NEGR1: variants seen among roughly 807,000 people sequenced by gnomAD.
NEGR1 encodes IgLON family member 4.
NEGR1 carries 10 observed loss-of-function variants against 40.9 expected under a neutral mutation model. The observed-to-expected ratio is 0.24, with a 90% CI of 0.15 to 0.42. The LOEUF (loss-of-function observed/expected upper bound fraction) is 0.42, where lower values mean the gene tolerates loss of function less well. Ranked by LOEUF, NEGR1 falls within the 10% of genes least tolerant of loss-of-function variation. The pLI is 1.00. For missense variants in NEGR1, 352 were observed against 438.9 expected, an observed-to-expected ratio of 0.80 and a Z score of 1.77; for synonymous variants, 185 against 166.8, an observed-to-expected ratio of 1.11 and a Z score of -0.84.
intron 3 of NEGR1, among the ~76,000 whole-genome samples, chr1:71,722,810 G>A (rs1337173624): frequency 6.6e-6 from 1 of 151,680 alleles, no homozygotes; most frequent in Non-Finnish European, 1.5e-5. Context: ...TTTACCATAG[G>A]AATACACCCA....
At chr1:71,922,312 C>T (rs752715182) in intron 2 of NEGR1, among the ~76,000 whole-genome samples, 6 of 152,124 alleles carry the variant, frequency 3.9e-5, no homozygotes, top group Non-Finnish European at 7.4e-5. Context: ...ATTGAGTGAA[C>T]CCTGCCAGAA....
At chr1:71,981,870 T>G (rs1253245187) in intron 1 of NEGR1, among the ~76,000 whole-genome samples, 1 of 152,206 alleles carries the variant, frequency 6.6e-6, no homozygotes, top group South Asian at 2.1e-4. Flanking sequence ...ATTCATGATA[T>G]GAACTATTAA....
At chr1:71,436,324 A>T (rs993552996) in intron 6 of NEGR1, among the ~76,000 whole-genome samples, 7 of 152,200 alleles carry the variant, frequency 4.6e-5, no homozygotes, top group African/African-American at 1.7e-4. Context: ...AATTAGCAGA[A>T]GATGACTTGA....
At chr1:71,434,899 G>A (rs1227167387) in intron 6 of NEGR1, among the ~76,000 whole-genome samples, 3 of 152,140 alleles carry the variant, frequency 2.0e-5, no homozygotes, top group Non-Finnish European at 4.4e-5. Context: ...AGACCATCCT[G>A]GCTAAAACGG....
intron 3 of NEGR1, among the ~76,000 whole-genome samples, chr1:71,748,223 G>A (rs943708589): frequency 6.6e-6 from 1 of 151,972 alleles, no homozygotes; most frequent in Non-Finnish European, 1.5e-5. Flanking sequence ...CTACTTTACC[G>A]TACATACTGG....
chr1:71,851,460 C>T, intron 2 of NEGR1, among the ~76,000 whole-genome samples: 1 of 152,124 alleles, frequency 6.6e-6, no homozygotes. Flanking sequence ...TACAGTTATG[C>T]ATAGCACAAT....
chr1:71,895,276 C>T (rs1172782168), intron 2 of NEGR1, among the ~76,000 whole-genome samples: 1 of 152,112 alleles, frequency 6.6e-6, no homozygotes, highest in Non-Finnish European at 1.5e-5. Context: ...TCATTTCATT[C>T]TCATAACCAT....
intron 1 of NEGR1, among the ~76,000 whole-genome samples, chr1:72,121,610 C>T (rs564297489): frequency 6.6e-5 from 10 of 151,922 alleles, no homozygotes; most frequent in African/African-American, 1.9e-4. Context: ...CTCCTTGTTA[C>T]AGAAAAACTG....
rs1350479914 is a variant in NEGR1, at chr1:71,739,952, A to C, written c.535+36220T>G. 2.6e-5 allele frequency among the ~76,000 whole-genome samples: 4 copies of C among 152,174 alleles called. No individual in the cohort carries two copies. In the East Asian group the frequency reaches 5.8e-4, roughly 22 times the overall value. On this transcript the variant is annotated intron_variant, in intron 3 of 6. Transcript: ENST00000357731. ...CATGTTCCCAAAACACTCCTTGTAC[A>C]TTACCACTTCATGACACTCCACTCC... is the stretch of plus-strand genomic sequence containing the variant.
rs374343111 is a variant in NEGR1 at position 72,107,256 on chromosome 1, A to G, written c.177-171945T>C. Among the ~76,000 whole-genome samples the G allele has an allele frequency of 7.9e-5, 12 of 151,738 alleles. No homozygotes were observed. The East Asian group carries it at 2.1e-3, about 27-fold the overall frequency. ...CTTCTGAAACCATACTTATGAATAGAATGTTCTAATACACAAACTTCATGG... is the reference window on the plus strand; with the variant it reads ...CTTCTGAAACCATACTTATGAATAGGATGTTCTAATACACAAACTTCATGG... On this transcript the variant is annotated intron_variant, in intron 1 of 6. Transcript: ENST00000357731.
intron 1 of NEGR1, among the ~76,000 whole-genome samples, chr1:72,239,553 T>A (rs891747258): frequency 6.6e-5 from 10 of 151,374 alleles, no homozygotes; most frequent in African/African-American, 2.4e-4. Flanking sequence ...CATAATATTC[T>A]GAAACTGAAA....
At chr1:72,194,211 C>G (rs1337967162) in intron 1 of NEGR1, among the ~76,000 whole-genome samples, 1 of 151,530 alleles carries the variant, frequency 6.6e-6, no homozygotes, top group Non-Finnish European at 1.5e-5. Context: ...AAAACAGTGA[C>G]CCTGATAATA....
Position 71,527,441 on chromosome 1 carries a change from ATCCATCC to A in NEGR1, c.940+65369_940+65375del, listed in dbSNP as rs1647232036. 2.6e-5 allele frequency among the ~76,000 whole-genome samples: 4 copies of A among 150,978 alleles called. No homozygotes were observed. In the South Asian group the frequency reaches 8.3e-4, roughly 31 times the overall value. ...CATCCATCCATCCATCCATCCATCC[ATCCATCC>A]ATGGGTAATCAGGCATATGCATCTG... is the stretch of plus-strand genomic sequence containing the variant. On this transcript the variant is annotated intron_variant, in intron 6 of 6. Transcript: ENST00000357731.
intron 1 of NEGR1, among the ~76,000 whole-genome samples, chr1:72,039,552 GT>G (rs1471324010): frequency 1.3e-5 from 2 of 151,902 alleles, no homozygotes; most frequent in Non-Finnish European, 2.9e-5. Flanking sequence ...CCCTCCAAGT[GT>G]TGGAGAGAAA....
At chr1:71,905,222 A>AT (rs1306595196) in intron 2 of NEGR1, among the ~76,000 whole-genome samples, 1 of 151,904 alleles carries the variant, frequency 6.6e-6, no homozygotes, top group African/African-American at 2.4e-5. Flanking sequence ...AAATAAGCTA[A>AT]TTTTTTTCTT....
intron 2 of NEGR1, among the ~76,000 whole-genome samples, chr1:71,795,130 T>C (rs1198857674): frequency 6.6e-6 from 1 of 151,966 alleles, no homozygotes; most frequent in Non-Finnish European, 1.5e-5. Context: ...CTGAAAACAA[T>C]ATAAATCTGC....
intron 4 of NEGR1, among the ~76,000 whole-genome samples, chr1:71,695,904 A>G (rs569920167): frequency 1.4e-4 from 21 of 151,910 alleles, no homozygotes; most frequent in African/African-American, 4.8e-4. Context: ...TTTTAAAAAG[A>G]GTTTTCCAAA....
chr1:71,540,140 A>G (rs1363356184), intron 6 of NEGR1, among the ~76,000 whole-genome samples: 1 of 151,810 alleles, frequency 6.6e-6, no homozygotes, highest in East Asian at 2.0e-4. Flanking sequence ...AATTGTGTAG[A>G]TACTAATCTC....
At chr1:71,857,619 C>T (rs1435509837) in intron 2 of NEGR1, among the ~76,000 whole-genome samples, 5 of 101,124 alleles carry the variant, frequency 4.9e-5, no homozygotes, top group Admixed American at 1.2e-4. Context: ...AAAGTGAGAT[C>T]CTGTCTCAAA....
Sources: gnomAD v4.1 joint callset for allele counts (sites outside exome capture counted in the v4.1 genomes callset) on GRCh38, gnomAD v4.1.1 for gene constraint, MANE v1.5 for transcripts, NCBI Gene and HGNC (gene_info 2026-07-23, HGNC 2026-07-21) for gene names.